SPRED2: variants seen among roughly 807,000 people sequenced by gnomAD.
SPRED2 encodes sprouty related EVH1 domain containing 2, also known as sprouty-related, EVH1 domain-containing protein 2.
SPRED2 carries 47 observed loss-of-function variants against 43.0 expected under a neutral mutation model. The observed-to-expected ratio is 1.09, with a 90% confidence interval of 0.87 to 1.40. The LOEUF (loss-of-function observed/expected upper bound fraction) is 1.40, where lower values mean the gene tolerates loss of function less well. SPRED2 is among the 40% of genes most tolerant of loss of function. The pLI is 0.00. For synonymous variants in SPRED2, 225 were observed against 225.7 expected, an observed-to-expected ratio of 1.00 and a Z score of 0.03; for missense variants, 561 against 586.4, an observed-to-expected ratio of 0.96 and a Z score of 0.45.
chr2:65,328,596 C>G (rs1293575740), intron 4 of SPRED2, among the ~76,000 whole-genome samples: 1 of 152,206 alleles, frequency 6.6e-6, no homozygotes, highest in Non-Finnish European at 1.5e-5. Context: ...AGTAATGGTT[C>G]CACATCACTG....
chr2:65,419,577 TTGTGTGTGTGTGTGTGTGTGTGTG>T (rs10541896), intron 1 of SPRED2, among the ~76,000 whole-genome samples: 4 of 148,886 alleles, frequency 2.7e-5, no homozygotes, highest in African/African-American at 1.0e-4. Flanking sequence ...GGGATTATAG[TTGTGTGTGTGTGTGTGTGTGTGTG>T]TGTGTGTGTG....
At position 65,315,411 on chromosome 2, in the gene SPRED2, C is replaced by T. The variant is rs538979999; in HGVS notation, c.589-1242G>A. ...CATCACAGTCATTATCATATTGTTA[C>T]GGACTTGATCATGCGCTTATTAGAT... On this transcript the variant is annotated intron_variant, in intron 5 of 5. Coordinates refer to ENST00000356388, the MANE Select transcript of SPRED2 (RefSeq NM_181784.3). Among the ~76,000 whole-genome samples the T allele has an allele frequency of 1.1e-4, 17 of 152,276 alleles. 1 individual carries two copies. Among genetic ancestry groups the T allele is most frequent in the Non-Finnish European group, 2.1e-4 (14 of 68,030 alleles).
chr2:65,403,968 G>T (rs1230372031), intron 1 of SPRED2, among the ~76,000 whole-genome samples: 1 of 152,174 alleles, frequency 6.6e-6, no homozygotes, highest in East Asian at 1.9e-4. Context: ...ACTTTGGGAG[G>T]CCGAGGCAGG....
intron 2 of SPRED2, among the ~76,000 whole-genome samples, chr2:65,342,448 T>C (rs948144108): frequency 6.7e-6 from 1 of 149,272 alleles, no homozygotes; most frequent in African/African-American, 2.4e-5. Flanking sequence ...ATTTTGTATA[T>C]ATATTATATA....
At chr2:65,336,874 C>T (rs1673980802) in intron 2 of SPRED2, among the ~76,000 whole-genome samples, 1 of 152,072 alleles carries the variant, frequency 6.6e-6, no homozygotes, top group South Asian at 2.1e-4. Context: ...TTTGGGAGGC[C>T]GAGGCGGGCG....
intron 1 of SPRED2, among the ~76,000 whole-genome samples, chr2:65,389,537 ATTTG>A (rs1354027836): frequency 6.6e-6 from 1 of 152,146 alleles, no homozygotes; most frequent in Non-Finnish European, 1.5e-5. Context: ...TTGTTGTGTT[ATTTG>A]TTTATTAACA....
chr2:65,320,576 G>A (rs1424600541), intron 4 of SPRED2, among the ~76,000 whole-genome samples: 11 of 152,186 alleles, frequency 7.2e-5, no homozygotes, highest in Admixed American at 7.2e-4. Flanking sequence ...AAGACCTCGA[G>A]AGGCATGTCC....
intron 4 of SPRED2, among the ~76,000 whole-genome samples, chr2:65,325,785 A>G (rs561892686): frequency 1.3e-5 from 2 of 152,178 alleles, no homozygotes; most frequent in African/African-American, 4.8e-5. Context: ...TGTAAAATAC[A>G]AAGTATTTTG....
At chr2:65,348,894 A>T (rs1674427531) in intron 1 of SPRED2, among the ~76,000 whole-genome samples, 1 of 152,246 alleles carries the variant, frequency 6.6e-6, no homozygotes. Context: ...GGATCACAGT[A>T]CTTTCTATTC....
At chr2:65,387,178 T>C (rs1675521748) in intron 1 of SPRED2, among the ~76,000 whole-genome samples, 1 of 152,192 alleles carries the variant, frequency 6.6e-6, no homozygotes, top group African/African-American at 2.4e-5. Flanking sequence ...GCACAGTGGG[T>C]GCTGGCTCCC....
chr2:65,347,419 T>C (rs897304922), intron 1 of SPRED2, among the ~76,000 whole-genome samples: 3 of 152,142 alleles, frequency 2.0e-5, no homozygotes, highest in African/African-American at 7.2e-5. Context: ...GGCATCCTGC[T>C]ACATTTCCCT....
chr2:65,310,129 C>T (rs187355826), downstream of SPRED2, among the ~76,000 whole-genome samples: 15 of 152,292 alleles, frequency 9.8e-5, no homozygotes, highest in East Asian at 2.5e-3. Context: ...TTCCTAACTT[C>T]CAACATCTCT....
intron 1 of SPRED2, among the ~76,000 whole-genome samples, chr2:65,426,573 A>G (rs1402443153): frequency 6.6e-6 from 1 of 152,156 alleles, no homozygotes; most frequent in African/African-American, 2.4e-5. Context: ...GAAAAAAATA[A>G]TACACACAGA....
intron 1 of SPRED2, among the ~76,000 whole-genome samples, chr2:65,369,262 TACACATACACACACAC>T (rs6146791): frequency 0.27 from 40,778 of 151,722 alleles, 6,840 homozygotes; most frequent in East Asian, 0.7. Context: ...GACACATACA[TACACATACACACACAC>T]ACACATACAC....
chr2:65,324,664 T>G (rs1673550448), intron 4 of SPRED2, among the ~76,000 whole-genome samples: 1 of 152,254 alleles, frequency 6.6e-6, no homozygotes, highest in African/African-American at 2.4e-5. Context: ...AGAATGAACC[T>G]TCTTCATGTA....
downstream of SPRED2, chr2:65,308,514 T>A: frequency 1.0e-6 from 1 of 984,810 alleles, no homozygotes; most frequent in Non-Finnish European, 1.2e-6. Flanking sequence ...GATAATGCGC[T>A]TCAGCCTTCT....
At chr2:65,406,800 T>C (rs1401676199) in intron 1 of SPRED2, among the ~76,000 whole-genome samples, 4 of 152,234 alleles carry the variant, frequency 2.6e-5, no homozygotes, top group Non-Finnish European at 5.9e-5. Context: ...CGCACTTCCT[T>C]AGAGATAAAA....
intron 1 of SPRED2, among the ~76,000 whole-genome samples, chr2:65,356,998 C>CACAAA (rs1369207824): frequency 6.6e-6 from 1 of 151,934 alleles, no homozygotes; most frequent in African/African-American, 2.4e-5. Flanking sequence ...TGTCTCAAAA[C>CACAAA]ACAAAACAAA....
intron 5 of SPRED2, among the ~76,000 whole-genome samples, chr2:65,316,366 C>T (rs566331696): frequency 2.6e-5 from 4 of 152,320 alleles, no homozygotes; most frequent in South Asian, 2.1e-4. Context: ...GAATGCAGGA[C>T]GCAGTGTAGC....
Sources: allele counts gnomAD v4.1 joint callset (sites outside exome capture counted in the v4.1 genomes callset), GRCh38; gene constraint gnomAD v4.1.1; transcripts MANE v1.5; gene names NCBI Gene and HGNC (gene_info 2026-07-23, HGNC 2026-07-21).